CNOT4: variants seen among roughly 807,000 people sequenced by gnomAD.
CNOT4 encodes CCR4-associated factor 4.
Under a neutral mutation model 73.8 loss-of-function variants are expected in CNOT4, and 8 were observed. The ratio of observed to expected loss-of-function variants is 0.11; its 90% CI spans 0.06 to 0.20. The LOEUF is 0.20. Among genes scored for constraint, CNOT4 ranks in the 10% least tolerant of loss-of-function variants. CNOT4 has a pLI of 1.00. For synonymous variants in CNOT4, 293 were observed against 321.1 expected, an observed-to-expected ratio of 0.91 and a Z score of 0.94; for missense variants, 564 against 883.4, an observed-to-expected ratio of 0.64 and a Z score of 4.58.
chr7:135,453,848 T>TATATATATATATATATATAAA (rs61345541), intron 1 of CNOT4, among the ~76,000 whole-genome samples: 2 of 116,722 alleles, frequency 1.7e-5, no homozygotes, highest in East Asian at 2.4e-4. Context: ...ATATATATAT[T>TATATATATATATATATATAAA]ATATATATAG....
chr7:135,491,374 C>T (rs1240828672), intron 1 of CNOT4, among the ~76,000 whole-genome samples: 1 of 152,174 alleles, frequency 6.6e-6, no homozygotes, highest in African/African-American at 2.4e-5. Context: ...GGAAAATCTA[C>T]TAAGGAAGAC....
At chr7:135,379,590 G>T (rs539892122) in intron 10 of CNOT4, among the ~76,000 whole-genome samples, 1 of 152,090 alleles carries the variant, frequency 6.6e-6, no homozygotes, top group Non-Finnish European at 1.5e-5. Flanking sequence ...ATATGTGTGT[G>T]TGTATATATA....
At chr7:135,481,441 A>G (rs1202286559) in intron 1 of CNOT4, among the ~76,000 whole-genome samples, 4 of 152,200 alleles carry the variant, frequency 2.6e-5, no homozygotes, top group East Asian at 1.9e-4. Context: ...CACACACACA[A>G]TAACAGATGC....
chr7:135,506,385 C>T (rs1307436446), intron 1 of CNOT4, among the ~76,000 whole-genome samples: 1 of 152,190 alleles, frequency 6.6e-6, no homozygotes, highest in East Asian at 1.9e-4. Context: ...TAACTTCCTT[C>T]ACAAAGAGTC....
At chr7:135,374,698 C>T (rs1795422037) in intron 10 of CNOT4, among the ~76,000 whole-genome samples, 1 of 152,176 alleles carries the variant, frequency 6.6e-6, no homozygotes, top group Non-Finnish European at 1.5e-5. Context: ...GCATCTATCA[C>T]TTTATAATCA....
intron 1 of CNOT4, among the ~76,000 whole-genome samples, chr7:135,484,920 T>C (rs1802620408): frequency 6.6e-6 from 1 of 152,066 alleles, no homozygotes; most frequent in South Asian, 2.1e-4. Flanking sequence ...ATGCTGAAAA[T>C]TACAAAATGC....
intron 1 of CNOT4, among the ~76,000 whole-genome samples, chr7:135,503,279 A>G (rs969700304): frequency 1.3e-5 from 2 of 152,168 alleles, no homozygotes; most frequent in East Asian, 3.8e-4. Context: ...ACCCTGGGCA[A>G]CAGGGTGAGC....
At chr7:135,478,174 T>A (rs1219942094) in intron 1 of CNOT4, among the ~76,000 whole-genome samples, 11 of 152,198 alleles carry the variant, frequency 7.2e-5, no homozygotes, top group Admixed American at 7.2e-4. Flanking sequence ...AATATTTTAT[T>A]GTTCCAGTTG....
intron 1 of CNOT4, among the ~76,000 whole-genome samples, chr7:135,489,301 TAC>T (rs951223703): frequency 5.3e-5 from 8 of 151,934 alleles, no homozygotes; most frequent in African/African-American, 1.9e-4. Flanking sequence ...TAAGAAATTT[TAC>T]ACATTTTATA....
intron 10 of CNOT4, among the ~76,000 whole-genome samples, chr7:135,392,901 T>C (rs7777011): frequency 0.94 from 143,031 of 152,244 alleles, 67,248 homozygotes; most frequent in East Asian, 1. Context: ...CGTGAACTTC[T>C]GCCTTGCTGC....
chr7:135,419,734 C>T (rs563993062), intron 3 of CNOT4, among the ~76,000 whole-genome samples: 13 of 152,030 alleles, frequency 8.6e-5, no homozygotes, highest in African/African-American at 1.4e-4. Flanking sequence ...TTACTTGAAA[C>T]GGAAATAAGA....
chr7:135,374,603 C>G (rs1297466108), intron 10 of CNOT4, among the ~76,000 whole-genome samples: 1 of 150,758 alleles, frequency 6.6e-6, no homozygotes, highest in Non-Finnish European at 1.5e-5. Context: ...CTACAGATGA[C>G]AGAATAGTGG....
intron 8 of CNOT4, among the ~76,000 whole-genome samples, chr7:135,396,275 G>A (rs1052226431): frequency 1.3e-5 from 2 of 151,508 alleles, no homozygotes; most frequent in South Asian, 2.1e-4. Flanking sequence ...GTGCCACCAC[G>A]CCCGGCTAAT....
At chr7:135,483,761 T>C (rs925543895) in intron 1 of CNOT4, among the ~76,000 whole-genome samples, 7 of 152,048 alleles carry the variant, frequency 4.6e-5, no homozygotes, top group African/African-American at 1.7e-4. Flanking sequence ...GGCTGCAGTA[T>C]GCCGAAACTG....
chr7:135,388,749 C>T, intron 10 of CNOT4: 2 of 1,577,666 alleles, frequency 1.3e-6, no homozygotes, highest in Non-Finnish European at 1.7e-6. Flanking sequence ...TCCAGTTGCC[C>T]ATGCAAGCAC....
At chr7:135,453,826 T>TTATATATATATA (rs55732572) in intron 1 of CNOT4, among the ~76,000 whole-genome samples, 1,467 of 89,780 alleles carry the variant, frequency 0.016, 18 homozygotes, top group South Asian at 0.033. Context: ...TATATATATT[T>TTATATATATATA]TATATATATA....
intron 1 of CNOT4, among the ~76,000 whole-genome samples, chr7:135,507,903 G>C (rs1436936602): frequency 1.3e-5 from 2 of 152,174 alleles, no homozygotes; most frequent in South Asian, 2.1e-4. Flanking sequence ...TATATAAATT[G>C]CTTGCAGTTC....
At chr7:135,386,016 T>C (rs1796101141) in intron 10 of CNOT4, 1 of 152,146 alleles carries the variant, frequency 6.6e-6, no homozygotes, top group Admixed American at 6.5e-5. Flanking sequence ...GAAAGCATTA[T>C]TAGTCAGAAA....
intron 1 of CNOT4, among the ~76,000 whole-genome samples, chr7:135,456,533 G>A (rs188581572): frequency 1.2e-4 from 19 of 152,104 alleles, no homozygotes; most frequent in African/African-American, 3.9e-4. Flanking sequence ...TCATCCGTCG[G>A]TATCATTGGA....
Sources: gnomAD v4.1 joint callset for allele counts (sites outside exome capture counted in the v4.1 genomes callset) on GRCh38, gnomAD v4.1.1 for gene constraint, MANE v1.5 for transcripts, NCBI Gene and HGNC (gene_info 2026-07-23, HGNC 2026-07-21) for gene names.